ACSF3: variants seen among roughly 807,000 people sequenced by gnomAD.
ACSF3 encodes the protein acyl-CoA synthetase family member 3.
Under a neutral mutation model 53.2 loss-of-function variants are expected in ACSF3, and 78 were observed. The observed-to-expected ratio is 1.47, with a 90% confidence interval of 1.22 to 1.77. The LOEUF is 1.77. Ranked by LOEUF, ACSF3 falls within the 40% of genes most tolerant of loss-of-function variation. The probability of loss-of-function intolerance (pLI) is 0.00; values close to 1 mark genes in which losing one functional copy is unlikely to be tolerated. For missense variants in ACSF3, 937 were observed against 771.1 expected (o/e 1.22, Z -2.55); for synonymous variants, 414 against 333.1 (o/e 1.24, Z -2.65).
chr16:89,093,955 T>C lies in ACSF3; in HGVS notation c.-235T>C. 3.1e-6 allele frequency: 1 copy of C among 322,150 alleles called. No individual in the cohort carries two copies. The highest frequency in any genetic ancestry group is 2.2e-5 in the South Asian group (1 of 46,338). 20.0% of individuals were successfully genotyped at this position (322,150 alleles called of 1,614,324 possible). ...CGCGGCGGAGGACGAGGAAGAGTTG[T>C]GGCGAGGCAGATCCTGCCCCGTGGC... On this transcript the variant is annotated 5_prime_UTR_variant, in exon 1 of 11. Coordinates refer to ENST00000614302, the MANE Select transcript of ACSF3 (RefSeq NM_001243279.3).
chr16:89,129,666 A>C (rs890524838), intron 7 of ACSF3, among the ~76,000 whole-genome samples: 2 of 152,086 alleles, frequency 1.3e-5, no homozygotes, highest in African/African-American at 4.8e-5. Flanking sequence ...TGTGTTTACT[A>C]TTGTTCCCTG....
chr16:89,149,712 G>A (rs1288200248), intron 10 of ACSF3: 1 of 152,254 alleles, frequency 6.6e-6, no homozygotes, highest in Non-Finnish European at 1.5e-5. Context: ...GGTGTGGCTG[G>A]GTCTAGGGCT....
In ACSF3 at chr16:89,133,200, A is replaced by C; in HGVS notation, c.1304A>C (p.Glu435Ala). 1 of 1,614,134 alleles carries C rather than the reference A, an allele frequency of 6.2e-7. No individual in the cohort carries two copies. Among genetic ancestry groups the C allele is most frequent in the Non-Finnish European group, 8.5e-7 (1 of 1,180,022 alleles). The change falls in exon 8 of 11, where the codon GAA (glutamate) becomes GCA (alanine). Residue 435 changes from glutamate to alanine, a missense_variant. Glu to Ala is a moderately radical substitution (Grantham distance 107, BLOSUM62 -1). Coordinates refer to ENST00000614302, the MANE Select transcript of ACSF3 (RefSeq NM_001243279.3). ...LLVRGPSVFR[E>A]YWNKPEETKS... ...GTGAGGGGACCCTCCGTGTTTCGAG[A>C]ATACTGGAATAAACCAGAAGAAACT... is the stretch of plus-strand genomic sequence containing the variant.
In ACSF3 at chr16:89,114,647, C is replaced by T. The variant is rs919650874; in HGVS notation, c.1126+160C>T. The T allele has an allele frequency of 2.9e-5, 30 of 1,025,852 alleles. No individual in the cohort carries two copies. The East Asian group carries it at 3.1e-4, about 11-fold the overall frequency. 63.5% of individuals were successfully genotyped at this position (1,025,852 alleles called of 1,614,324 possible). A position where few individuals can be genotyped will look rare whatever the true frequency, so the allele number is the denominator to read the frequency against. On this transcript the variant is annotated intron_variant, in intron 6 of 10. Coordinates refer to ENST00000614302, the MANE Select transcript of ACSF3 (RefSeq NM_001243279.3). ...CCAGGAGAGCACTCAGGATGCACTG[C>T]GACCTGTCCCCTCTGGGTAGATCAG... is the stretch of plus-strand genomic sequence containing the variant.
intron 10 of ACSF3, chr16:89,151,121 C>T (rs368562916): frequency 9.0e-7 from 1 of 1,114,126 alleles, no homozygotes; most frequent in Non-Finnish European, 1.2e-6. Context: ...CTCTGACGGG[C>T]AGGATGGCGG....
At chr16:89,142,956 G>A (rs1462406887) in intron 8 of ACSF3, among the ~76,000 whole-genome samples, 1 of 152,214 alleles carries the variant, frequency 6.6e-6, no homozygotes. Flanking sequence ...TCTTTAACAA[G>A]TTATTGCGCG....
intron 6 of ACSF3, among the ~76,000 whole-genome samples, chr16:89,120,167 C>T (rs891887562): frequency 3.3e-5 from 5 of 152,264 alleles, no homozygotes; most frequent in Non-Finnish European, 7.3e-5. Context: ...GCCCCCACCC[C>T]GGCCAGTGTA....
chr16:89,133,408 A>G, intron 8 of ACSF3, 146 bp downstream of exon 8: 2 of 1,145,706 alleles, frequency 1.7e-6, no homozygotes, highest in South Asian at 1.4e-5. Context: ...GCTGGGGGCC[A>G]CTGTTACGGC....
At chr16:89,108,617 G>T (rs1976306828) in intron 4 of ACSF3, among the ~76,000 whole-genome samples, 1 of 152,194 alleles carries the variant, frequency 6.6e-6, no homozygotes, top group Non-Finnish European at 1.5e-5. Context: ...TGAGATGGCA[G>T]CGTGTGCAAA....
chr16:89,131,855 G>C (rs1285329379), intron 7 of ACSF3, among the ~76,000 whole-genome samples: 1 of 152,298 alleles, frequency 6.6e-6, no homozygotes, highest in Non-Finnish European at 1.5e-5. Flanking sequence ...ACAAGGCTCT[G>C]AGCAGCCAGG....
chr16:89,136,210 G>T (rs770313563), intron 8 of ACSF3, among the ~76,000 whole-genome samples: 1 of 152,272 alleles, frequency 6.6e-6, no homozygotes, highest in Non-Finnish European at 1.5e-5. Context: ...GAGATGCGGG[G>T]CTGCGAGCGT....
chr16:89,122,633 G>A, intron 7 of ACSF3: 1 of 206,584 alleles, frequency 4.8e-6, no homozygotes, highest in East Asian at 1.4e-4. Flanking sequence ...AATGTCCCCA[G>A]CAGAGAGCAG....
chr16:89,108,213 G>A (rs967204506), intron 4 of ACSF3, among the ~76,000 whole-genome samples: 2 of 152,228 alleles, frequency 1.3e-5, no homozygotes, highest in East Asian at 3.9e-4. Flanking sequence ...GATTTGGGTG[G>A]GGATGCCATC....
intron 1 of ACSF3, 86 bp from the exon 2 acceptor site, chr16:89,098,505 C>T (rs1188756313): frequency 2.7e-6 from 1 of 369,252 alleles, no homozygotes; most frequent in African/African-American, 2.1e-5. Flanking sequence ...AACATGCTTC[C>T]CTTCCCCCAT....
intron 8 of ACSF3, among the ~76,000 whole-genome samples, chr16:89,141,913 G>A (rs555373004): frequency 6.6e-6 from 1 of 152,212 alleles, no homozygotes; most frequent in Non-Finnish European, 1.5e-5. Context: ...AATCATCCCC[G>A]AGACAGGCGT....
At chr16:89,132,451 C>T (rs1021412076) in intron 7 of ACSF3, among the ~76,000 whole-genome samples, 2 of 152,226 alleles carry the variant, frequency 1.3e-5, no homozygotes, top group Non-Finnish European at 2.9e-5. Flanking sequence ...CAGGGACCCC[C>T]AGCCCAGGCT....
At chr16:89,148,810 A>G (rs1194927309) in intron 10 of ACSF3, 1 of 151,982 alleles carries the variant, frequency 6.6e-6, no homozygotes, top group African/African-American at 2.4e-5. Context: ...GGCCCACAAA[A>G]CCATTCTTCC....
At position 89,098,571 on chromosome 16, in the gene ACSF3, G is replaced by A. The variant is rs1974896956; in HGVS notation, c.-193-20G>A. ...GTTATACACACAGCCTGGGACCTCA[G>A]CACAGATGCCCGTTGACAGGTGTCC... On this transcript the variant is annotated intron_variant, in intron 1 of 10. Transcript: ENST00000614302. 1 of 447,620 alleles carries A rather than the reference G, an allele frequency of 2.2e-6. No individual in the cohort carries two copies. The highest frequency in any genetic ancestry group is 1.6e-5 in the South Asian group (1 of 63,988). 27.7% of individuals were successfully genotyped at this position (447,620 alleles called of 1,614,324 possible).
intron 2 of ACSF3, among the ~76,000 whole-genome samples, chr16:89,099,010 A>G (rs1330557862): frequency 1.3e-5 from 2 of 152,278 alleles, no homozygotes; most frequent in Non-Finnish European, 2.9e-5. Context: ...CTGAGTGCCC[A>G]GTGGCAGCAG....
Sources: allele counts gnomAD v4.1 joint callset (sites outside exome capture counted in the v4.1 genomes callset), GRCh38; gene constraint gnomAD v4.1.1; transcripts MANE v1.5; gene names NCBI Gene and HGNC (gene_info 2026-07-23, HGNC 2026-07-21).